Variants in SGSM1 observed in about 807,000 individuals in gnomAD.
SGSM1 encodes small G protein signaling modulator 1.
In SGSM1, 73 loss-of-function variants were observed where a neutral mutation model predicts 133.8. The observed-to-expected ratio is 0.55, with a 90% CI of 0.45 to 0.66. SGSM1 has a LOEUF of 0.66. SGSM1 is among the 30% of genes least tolerant of loss of function. The pLI, the probability that SGSM1 is intolerant of heterozygous loss-of-function variation, is 0.00. For synonymous variants in SGSM1, 563 were observed against 573.0 expected (o/e 0.98, Z 0.25); for missense variants, 1,213 against 1,448.1 (o/e 0.84, Z 2.64).
chr22:24,860,910 A>AT (rs1361547978), intron 9 of SGSM1, among the ~76,000 whole-genome samples: 67 of 97,100 alleles, frequency 6.9e-4, no homozygotes, highest in South Asian at 2.1e-3. Flanking sequence ...AAAAAAAAAA[A>AT]AAAAAAAAAA....
At chr22:24,885,422 A>G (rs1443934679) in intron 15 of SGSM1, among the ~76,000 whole-genome samples, 1 of 148,326 alleles carries the variant, frequency 6.7e-6, no homozygotes, top group Non-Finnish European at 1.5e-5. Context: ...GATTAGCGAC[A>G]CACATTGAGC....
intron 23 of SGSM1, among the ~76,000 whole-genome samples, chr22:24,919,070 A>G (rs527667081): frequency 1.9e-5 from 2 of 103,350 alleles, no homozygotes; most frequent in South Asian, 6.9e-4. Context: ...TTTTTTCGAG[A>G]TGAAGTCTGG....
chr22:24,812,898 T>A (rs1927830072), intron 2 of SGSM1, among the ~76,000 whole-genome samples: 1 of 152,200 alleles, frequency 6.6e-6, no homozygotes, highest in African/African-American at 2.4e-5. Context: ...TAAAGCAATG[T>A]CTTTGCTCAT....
chr22:24,915,987 G>C (rs1340683294), intron 22 of SGSM1, among the ~76,000 whole-genome samples: 1 of 151,834 alleles, frequency 6.6e-6, no homozygotes, highest in South Asian at 2.1e-4. Context: ...TTTCAAACAT[G>C]TTTTTTTCCC....
At chr22:24,890,644 G>A (rs543629890) in intron 16 of SGSM1, among the ~76,000 whole-genome samples, 28 of 151,886 alleles carry the variant, frequency 1.8e-4, no homozygotes, top group African/African-American at 4.8e-4. Context: ...GGGTTCAAGC[G>A]ATTCTCCTGC....
chr22:24,808,549 A>C (rs1204936727), intron 2 of SGSM1, among the ~76,000 whole-genome samples: 2 of 152,008 alleles, frequency 1.3e-5, no homozygotes, highest in Non-Finnish European at 2.9e-5. Flanking sequence ...TGTGTCCCTG[A>C]GATGTTTTTG....
intron 11 of SGSM1, 55 bp downstream of exon 11, chr22:24,868,594 G>A: frequency 1.9e-6 from 3 of 1,612,366 alleles, no homozygotes; most frequent in Admixed American, 1.7e-5. Context: ...CACAGAGGGT[G>A]GTTGTTTTTG....
At chr22:24,839,932 CTTTT>C (rs758631851) in intron 2 of SGSM1, among the ~76,000 whole-genome samples, 5 of 106,472 alleles carry the variant, frequency 4.7e-5, no homozygotes, top group African/African-American at 7.5e-5. Flanking sequence ...AACCATCTCT[CTTTT>C]TTTTTTTTTT....
chr22:24,852,526 C>A (rs1372589226), intron 5 of SGSM1, among the ~76,000 whole-genome samples: 1 of 152,176 alleles, frequency 6.6e-6, no homozygotes, highest in Non-Finnish European at 1.5e-5. Flanking sequence ...TCACTGCAAC[C>A]TCTGCGTCCC....
At chr22:24,851,449 G>GGGGGGGAGA (rs1555925285) in intron 5 of SGSM1, among the ~76,000 whole-genome samples, 1 of 112,822 alleles carries the variant, frequency 8.9e-6, no homozygotes, top group East Asian at 2.8e-4. Flanking sequence ...GGGGGTGGGG[G>GGGGGGGAGA]GAGAGAGAGA....
chr22:24,813,281 G>A (rs1020350915), intron 2 of SGSM1, among the ~76,000 whole-genome samples: 1 of 152,226 alleles, frequency 6.6e-6, no homozygotes, highest in African/African-American at 2.4e-5. Flanking sequence ...CGAAGGCATC[G>A]AAGGCTTTGG....
intron 2 of SGSM1, among the ~76,000 whole-genome samples, chr22:24,810,205 G>A (rs950120158): frequency 1.3e-5 from 2 of 152,158 alleles, no homozygotes; most frequent in African/African-American, 4.8e-5. Flanking sequence ...CACAATCTTA[G>A]ACAAGATCTG....
At chr22:24,854,145 C>G (rs1936768484) in intron 5 of SGSM1, among the ~76,000 whole-genome samples, 1 of 152,168 alleles carries the variant, frequency 6.6e-6, no homozygotes, top group African/African-American at 2.4e-5. Flanking sequence ...CACAGCCAAA[C>G]CATGTCAGAT....
At chr22:24,845,997 CTTTCTT>C (rs1930118809) in intron 3 of SGSM1, among the ~76,000 whole-genome samples, 1 of 133,626 alleles carries the variant, frequency 7.5e-6, no homozygotes, top group Non-Finnish European at 1.6e-5. Context: ...TTCTTTCTTT[CTTTCTT>C]TCTTTCTTCA....
chr22:24,807,350 T>C (rs573516888), intron 2 of SGSM1, among the ~76,000 whole-genome samples: 4 of 152,252 alleles, frequency 2.6e-5, no homozygotes, highest in African/African-American at 7.2e-5. Context: ...TACCTAAGTG[T>C]ATCTCTTTGC....
chr22:24,864,189 C>T lies in SGSM1; in HGVS notation c.927-2904C>T, dbSNP rs1159726714. ...GTCAGGCTGGACTTGCCTCCGATCT[C>T]AGCCCTACTGTGTGGAGCAGCAGTG... On this transcript the variant is annotated intron_variant, in intron 9 of 24. Transcript: ENST00000400358. Among the ~76,000 whole-genome samples the T allele has an allele frequency of 2.0e-5, 3 of 152,190 alleles. No individual in the cohort carries two copies. The East Asian group carries it at 5.8e-4, about 29-fold the overall frequency.
chr22:24,826,684 T>G (rs1281700644), intron 2 of SGSM1, among the ~76,000 whole-genome samples: 1 of 152,108 alleles, frequency 6.6e-6, no homozygotes, highest in Admixed American at 6.5e-5. Flanking sequence ...AGGGTAGCGA[T>G]GGCAGGTGTG....
intron 18 of SGSM1, among the ~76,000 whole-genome samples, chr22:24,897,298 T>C (rs984047882): frequency 1.6e-4 from 24 of 151,976 alleles, no homozygotes; most frequent in Non-Finnish European, 4.4e-5. Flanking sequence ...GAGAATCACT[T>C]GATCCCGGGA....
intron 16 of SGSM1, among the ~76,000 whole-genome samples, chr22:24,887,228 G>C (rs889195514): frequency 2.6e-5 from 4 of 151,566 alleles, no homozygotes; most frequent in African/African-American, 9.7e-5. Context: ...CCCCCACGTT[G>C]TCCTTTTATA....
Sources: allele counts gnomAD v4.1 joint callset (sites outside exome capture counted in the v4.1 genomes callset), GRCh38; gene constraint gnomAD v4.1.1; transcripts MANE v1.5; gene names NCBI Gene and HGNC (gene_info 2026-07-23, HGNC 2026-07-21).